The following PRKCE variants were observed in gnomAD, a reference collection of about 807,000 sequenced individuals.
The protein encoded by PRKCE is protein kinase C epsilon.
A neutral mutation model predicts 85.4 loss-of-function variants in PRKCE; 16 were observed. The observed-to-expected ratio is 0.19, with a 90% CI of 0.13 to 0.28. The LOEUF (loss-of-function observed/expected upper bound fraction) is 0.28, where lower values mean the gene tolerates loss of function less well. Among genes scored for constraint, PRKCE ranks in the 10% least tolerant of loss-of-function variants. PRKCE has a pLI of 1.00. For missense variants in PRKCE, 573 were observed against 975.2 expected, an observed-to-expected ratio of 0.59 and a Z score of 5.49; for synonymous variants, 388 against 371.5, an observed-to-expected ratio of 1.04 and a Z score of -0.51.
At chr2:45,987,321 C>T (rs972121230) in intron 6 of PRKCE, among the ~76,000 whole-genome samples, 3 of 152,134 alleles carry the variant, frequency 2.0e-5, no homozygotes, top group South Asian at 2.1e-4. Flanking sequence ...GGAATCAGGC[C>T]GCATGAGGGC....
intron 11 of PRKCE, among the ~76,000 whole-genome samples, chr2:46,087,947 CT>C (rs1669802284): frequency 6.6e-6 from 1 of 152,204 alleles, no homozygotes; most frequent in Admixed American, 6.5e-5. Flanking sequence ...TCTGGGCCTT[CT>C]TTTCAATGGC....
At chr2:46,109,353 A>G (rs755069416) in intron 11 of PRKCE, among the ~76,000 whole-genome samples, 1 of 152,104 alleles carries the variant, frequency 6.6e-6, no homozygotes, top group Non-Finnish European at 1.5e-5. Context: ...ATTTATTTAG[A>G]TCTTCCTTGA....
chr2:46,012,782 T>C (rs1705795094), intron 10 of PRKCE, among the ~76,000 whole-genome samples: 1 of 152,224 alleles, frequency 6.6e-6, no homozygotes, highest in Non-Finnish European at 1.5e-5. Flanking sequence ...TTCTCCTTTG[T>C]GCGTTGTAGA....
chr2:46,108,718 G>T (rs760396347), intron 11 of PRKCE, among the ~76,000 whole-genome samples: 88 of 152,280 alleles, frequency 5.8e-4, no homozygotes, highest in Non-Finnish European at 9.6e-4. Context: ...CTGATCAATT[G>T]TTTTACTTCA....
At chr2:46,176,173 A>G (rs1257179183) in intron 14 of PRKCE, among the ~76,000 whole-genome samples, 1 of 152,170 alleles carries the variant, frequency 6.6e-6, no homozygotes, top group African/African-American at 2.4e-5. Flanking sequence ...TAAGGGTGAA[A>G]ACCACTAAGA....
chr2:45,669,085 T>C (rs1004968462), intron 1 of PRKCE, among the ~76,000 whole-genome samples: 1 of 152,188 alleles, frequency 6.6e-6, no homozygotes, highest in Non-Finnish European at 1.5e-5. Flanking sequence ...GAAACTTGTG[T>C]CTTAGAAGCC....
chr2:45,712,837 C>T (rs1171124354), intron 1 of PRKCE, among the ~76,000 whole-genome samples: 4 of 152,326 alleles, frequency 2.6e-5, no homozygotes, highest in Non-Finnish European at 5.9e-5. Context: ...CTCCAGCACA[C>T]TTCCCTGTCC....
At chr2:45,751,049 T>A (rs145193043) in intron 1 of PRKCE, among the ~76,000 whole-genome samples, 2 of 152,318 alleles carry the variant, frequency 1.3e-5, no homozygotes, top group African/African-American at 2.4e-5. Context: ...AGGAACCCAT[T>A]GCCTGCTACC....
chr2:45,728,598 A>G (rs752845500), intron 1 of PRKCE, among the ~76,000 whole-genome samples: 42 of 152,284 alleles, frequency 2.8e-4, no homozygotes, highest in East Asian at 3.9e-4. Flanking sequence ...ACAGACTTCT[A>G]GAGTGTCTGA....
intron 14 of PRKCE, among the ~76,000 whole-genome samples, chr2:46,176,656 CT>C (rs1679460147): frequency 6.6e-6 from 1 of 152,116 alleles, no homozygotes; most frequent in South Asian, 2.1e-4. Flanking sequence ...AGCAAAGCAA[CT>C]GAGCAAAATG....
At chr2:45,680,297 A>G (rs2103925496) in intron 1 of PRKCE, among the ~76,000 whole-genome samples, 1 of 152,272 alleles carries the variant, frequency 6.6e-6, no homozygotes, top group African/African-American at 2.4e-5. Flanking sequence ...AAGTTAGGAG[A>G]TGTTAGTTTG....
At chr2:46,071,103 G>A (rs903485852) in intron 10 of PRKCE, among the ~76,000 whole-genome samples, 7 of 152,090 alleles carry the variant, frequency 4.6e-5, no homozygotes, top group African/African-American at 1.2e-4. Context: ...TGGCTTTCCT[G>A]CACCCAGAAA....
rs186583299 is a variant in PRKCE at position 45,825,096 on chromosome 2, G to C, written c.349-17904G>C. Among the ~76,000 whole-genome samples the C allele has an allele frequency of 1.0e-3, 157 of 152,224 alleles. 4 individuals are homozygous for C. The highest frequency in any genetic ancestry group is 9.7e-3 in the Admixed American group (149 of 15,304). On this transcript the variant is annotated intron_variant, in intron 1 of 14. Coordinates refer to ENST00000306156, the MANE Select transcript of PRKCE (RefSeq NM_005400.3). Reference sequence around the variant, plus strand: ...CAACTCCACATTACTTTTTTCCTCCGGGGATGAATGTAGAACTAGTAGCCT... The same window carrying C: ...CAACTCCACATTACTTTTTTCCTCCCGGGATGAATGTAGAACTAGTAGCCT...
intron 1 of PRKCE, among the ~76,000 whole-genome samples, chr2:45,733,262 C>T (rs1201001503): frequency 1.3e-5 from 2 of 152,168 alleles, no homozygotes; most frequent in African/African-American, 4.8e-5. Flanking sequence ...TGTCCTGGTA[C>T]ACAGTAACTG....
At chr2:45,818,062 T>C (rs1248197145) in intron 1 of PRKCE, among the ~76,000 whole-genome samples, 1 of 152,202 alleles carries the variant, frequency 6.6e-6, no homozygotes. Context: ...GTAGCACATT[T>C]GTGATTCTGT....
intron 1 of PRKCE, among the ~76,000 whole-genome samples, chr2:45,824,324 T>C (rs1238531089): frequency 1.3e-5 from 2 of 152,204 alleles, no homozygotes; most frequent in Non-Finnish European, 2.9e-5. Flanking sequence ...TCAACTCCTT[T>C]CTTTCCAAAG....
chr2:46,045,283 T>G (rs1574320518), intron 10 of PRKCE, among the ~76,000 whole-genome samples: 2 of 152,364 alleles, frequency 1.3e-5, no homozygotes, highest in African/African-American at 4.8e-5. Context: ...GCCATGTATG[T>G]GTCTACATGT....
Position 46,001,570 on chromosome 2 carries a change from G to C in PRKCE, c.966+24G>C, listed in dbSNP as rs1704685161. On this transcript the variant is annotated intron_variant, in intron 7 of 14. Coordinates refer to ENST00000306156, the MANE Select transcript of PRKCE (RefSeq NM_005400.3). The surrounding 1 kb of genome is among the most constrained non-coding windows in gnomAD (Gnocchi z 4.4). ...AGGTAACTGGCTGTTTGGTGGTGTTGCTGGAGCCCTTTTCAGGCTAGCATT... is the reference window on the plus strand; with the variant it reads ...AGGTAACTGGCTGTTTGGTGGTGTTCCTGGAGCCCTTTTCAGGCTAGCATT... The C allele has an allele frequency of 6.3e-7, 1 of 1,592,760 alleles. No homozygotes were observed. Among genetic ancestry groups the C allele is most frequent in the Admixed American group, 1.7e-5 (1 of 59,482 alleles).
intron 2 of PRKCE, chr2:45,845,251 G>A (rs1348824188): frequency 6.6e-5 from 10 of 151,996 alleles, no homozygotes; most frequent in African/African-American, 9.7e-5. Context: ...AGAGTTGAGA[G>A]GGCAAGGGGA....
Sources: allele counts gnomAD v4.1 joint callset (sites outside exome capture counted in the v4.1 genomes callset), GRCh38; gene constraint gnomAD v4.1.1; non-coding constraint Gnocchi (gnomAD v3.1); transcripts MANE v1.5; gene names NCBI Gene and HGNC (gene_info 2026-07-23, HGNC 2026-07-21).